Variants in PRKN observed in about 807,000 individuals in gnomAD.
PRKN encodes parkin RBR E3 ubiquitin protein ligase, also known as E3 ubiquitin-protein ligase parkin.
Under a neutral mutation model 59.5 loss-of-function variants are expected in PRKN, and 56 were observed. The observed-to-expected ratio is 0.94, with a 90% CI of 0.76 to 1.18. The LOEUF (loss-of-function observed/expected upper bound fraction) is 1.18. Among genes scored for constraint, PRKN ranks in the 50% most tolerant of loss-of-function variants. The pLI is 0.00. For synonymous variants in PRKN, 250 were observed against 222.1 expected (o/e 1.13, Z -1.12); for missense variants, 657 against 596.4 (o/e 1.10, Z -1.06).
intron 2 of PRKN, among the ~76,000 whole-genome samples, chr6:162,381,025 G>A (rs936928018): frequency 1.3e-5 from 2 of 152,176 alleles, no homozygotes; most frequent in Middle Eastern, 3.4e-3. Flanking sequence ...GGATCCGCAG[G>A]CGAACCGTTC....
At chr6:162,231,578 G>A (rs1778418576) in intron 3 of PRKN, among the ~76,000 whole-genome samples, 1 of 152,146 alleles carries the variant, frequency 6.6e-6, no homozygotes, top group Non-Finnish European at 1.5e-5. Flanking sequence ...CTGCCTGCTG[G>A]ATCTGTATCT....
chr6:161,406,151 C>T (rs948690947), intron 9 of PRKN, among the ~76,000 whole-genome samples: 5 of 151,418 alleles, frequency 3.3e-5, no homozygotes, highest in African/African-American at 1.2e-4. Context: ...TACATATATA[C>T]ACACATATAT....
chr6:162,378,822 TG>T lies in PRKN; in HGVS notation c.171+64487del, dbSNP rs533519973. Among the ~76,000 whole-genome samples, 324 of 152,328 alleles carry T rather than the reference TG, an allele frequency of 2.1e-3. 2 individuals carry two copies. The highest frequency in any genetic ancestry group is 4.8e-3 in the Admixed American group (74 of 15,304). On this transcript the variant is annotated intron_variant, in intron 2 of 11. Coordinates refer to ENST00000366898, the MANE Select transcript of PRKN (RefSeq NM_004562.3). ...CTGAAGGAGCCTCTAATGGGGCATT[TG>T]GGGTCAGTTTTAAGATGATTCCTCA...
At chr6:161,942,376 C>T (rs1314446675) in intron 6 of PRKN, among the ~76,000 whole-genome samples, 1 of 151,966 alleles carries the variant, frequency 6.6e-6, no homozygotes, top group Admixed American at 6.6e-5. Flanking sequence ...ACTAAAAATA[C>T]AAAAATTAGC....
chr6:161,840,827 C>T (rs901326301), intron 6 of PRKN, among the ~76,000 whole-genome samples: 5 of 151,942 alleles, frequency 3.3e-5, no homozygotes, highest in East Asian at 3.9e-4. Flanking sequence ...ATGGTATATA[C>T]GTACCACATT....
At chr6:161,755,276 G>A (rs555643471) in intron 7 of PRKN, among the ~76,000 whole-genome samples, 70 of 151,368 alleles carry the variant, frequency 4.6e-4, no homozygotes, top group Admixed American at 1.3e-3. Flanking sequence ...CACAGACAAC[G>A]CACTCTCCCA....
rs775127945 is a variant in PRKN at position 162,263,118 on chromosome 6, C to G, written c.172-353G>C. ...CCCCCAAGACAGAGTCTCACTCTGTCATCCAGGCTGGAGTGCAGTGGTGTG... is the reference window on the plus strand; with the variant it reads ...CCCCCAAGACAGAGTCTCACTCTGTGATCCAGGCTGGAGTGCAGTGGTGTG... On this transcript the variant is annotated intron_variant, in intron 2 of 11. Coordinates refer to ENST00000366898, the MANE Select transcript of PRKN (RefSeq NM_004562.3). 5 of 341,754 alleles carry G rather than the reference C, an allele frequency of 1.5e-5. 1 individual carries two copies. The highest frequency in any genetic ancestry group is 2.1e-3 in the Middle Eastern group (2 of 954). The allele number at this position is 341,754 out of a possible 1,614,324, so 21.2% of individuals were successfully genotyped here.
At chr6:161,913,479 A>G (rs1158609573) in intron 6 of PRKN, among the ~76,000 whole-genome samples, 1 of 152,174 alleles carries the variant, frequency 6.6e-6, no homozygotes, top group Admixed American at 6.5e-5. Flanking sequence ...TTACTTGCCT[A>G]TTGGATTGGA....
At chr6:162,502,656 A>G (rs1445509272) in intron 1 of PRKN, among the ~76,000 whole-genome samples, 2 of 152,166 alleles carry the variant, frequency 1.3e-5, no homozygotes, top group Non-Finnish European at 2.9e-5. Context: ...TGAGATGATC[A>G]CATAAAATGA....
chr6:162,647,085 T>C (rs888971614), intron 1 of PRKN, among the ~76,000 whole-genome samples: 1 of 152,086 alleles, frequency 6.6e-6, no homozygotes, highest in African/African-American at 2.4e-5. Flanking sequence ...TAAAAGCTTC[T>C]TCCCCTTCCC....
chr6:162,170,800 A>G (rs1478142442), intron 4 of PRKN, among the ~76,000 whole-genome samples: 1 of 152,190 alleles, frequency 6.6e-6, no homozygotes. Flanking sequence ...CAAATGGTAC[A>G]CGAATGGGCT....
intron 2 of PRKN, among the ~76,000 whole-genome samples, chr6:162,301,791 G>GA (rs1781971331): frequency 9.0e-6 from 1 of 111,502 alleles, no homozygotes; most frequent in Non-Finnish European, 1.9e-5. Flanking sequence ...GGCGGGGGGG[G>GA]GGTGCAGAAT....
At chr6:162,478,383 AGTCACAT>A (rs143332216) in intron 1 of PRKN, among the ~76,000 whole-genome samples, 38 of 152,304 alleles carry the variant, frequency 2.5e-4, no homozygotes, top group African/African-American at 8.4e-4. Context: ...AGTCCACAGA[AGTCACAT>A]GTCTGTTCAT....
At chr6:162,453,399 T>G (rs918100383) in intron 1 of PRKN, among the ~76,000 whole-genome samples, 4 of 152,098 alleles carry the variant, frequency 2.6e-5, no homozygotes, top group Non-Finnish European at 5.9e-5. Context: ...AATTATTTAG[T>G]AGAAACCACA....
intron 5 of PRKN, among the ~76,000 whole-genome samples, chr6:162,000,056 C>G (rs937812180): frequency 6.6e-6 from 1 of 152,086 alleles, no homozygotes; most frequent in African/African-American, 2.4e-5. Context: ...TGAAGGACAT[C>G]TTGGCTGCTT....
At position 161,581,937 on chromosome 6, in the gene PRKN, C is replaced by A. The variant is rs958389180; in HGVS notation, c.872-12521G>T. ...AGTCCACTCTTCACAGTGCTTAGGG[C>A]GTCCTTCGCTCATACTTCTTTGAAC... On this transcript the variant is annotated intron_variant, in intron 7 of 11. Coordinates refer to ENST00000366898, the MANE Select transcript of PRKN (RefSeq NM_004562.3). The surrounding 1 kb of genome is among the most constrained non-coding windows in gnomAD (Gnocchi z 4.5). Among the ~76,000 whole-genome samples, 2 of 152,148 alleles carry A rather than the reference C, an allele frequency of 1.3e-5. No individual in the cohort carries two copies. Among genetic ancestry groups the A allele is most frequent in the Non-Finnish European group, 2.9e-5 (2 of 68,032 alleles).
At chr6:162,404,509 A>C (rs1787964880) in intron 2 of PRKN, among the ~76,000 whole-genome samples, 1 of 152,118 alleles carries the variant, frequency 6.6e-6, no homozygotes, top group Non-Finnish European at 1.5e-5. Context: ...TAGGATTCCA[A>C]ATAGTACACT....
intron 5 of PRKN, among the ~76,000 whole-genome samples, chr6:162,051,298 C>G (rs1005118035): frequency 1.3e-5 from 2 of 152,166 alleles, no homozygotes; most frequent in African/African-American, 4.8e-5. Context: ...CAGCCACGCT[C>G]AGGCCTTAAG....
At chr6:161,512,497 T>C (rs1372436519) in intron 9 of PRKN, among the ~76,000 whole-genome samples, 1 of 152,226 alleles carries the variant, frequency 6.6e-6, no homozygotes, top group East Asian at 1.9e-4. Context: ...GATGACACCT[T>C]TGACGTGCTA....
Sources: allele counts gnomAD v4.1 joint callset (sites outside exome capture counted in the v4.1 genomes callset), GRCh38; gene constraint gnomAD v4.1.1; non-coding constraint Gnocchi (gnomAD v3.1); transcripts MANE v1.5; gene names NCBI Gene and HGNC (gene_info 2026-07-23, HGNC 2026-07-21).